Variants in LAPTM4B observed in about 807,000 individuals in gnomAD.
The protein encoded by LAPTM4B is lysosomal-associated transmembrane protein 4B.
LAPTM4B carries 26 observed loss-of-function variants against 28.5 expected under a neutral mutation model. The ratio of observed to expected loss-of-function variants is 0.91; its 90% CI spans 0.67 to 1.27. The LOEUF (loss-of-function observed/expected upper bound fraction) is 1.27. Ranked by LOEUF, LAPTM4B falls within the 50% of genes most tolerant of loss-of-function variation. The pLI is 0.00. For synonymous variants in LAPTM4B, 109 were observed against 106.4 expected (o/e 1.02, Z -0.15); for missense variants, 288 against 285.8 (o/e 1.01, Z -0.06).
At position 97,776,231 on chromosome 8, in the gene LAPTM4B, C is replaced by T. The variant is rs1020164898; in HGVS notation, c.99+123C>T. The T allele has an allele frequency of 1.6e-5, 19 of 1,174,766 alleles. 1 individual carries two copies. In the Admixed American group the frequency reaches 6.0e-4, roughly 37 times the overall value. 72.8% of individuals were successfully genotyped at this position (1,174,766 alleles called of 1,614,324 possible). ...CCGCCTAAAGTTGTATTATTAGAAA[C>T]TTAATTCTCCGGGTGCCGCGTCCGC... On this transcript the variant is annotated intron_variant, in intron 1 of 6. Coordinates refer to ENST00000521545, the MANE Select transcript of LAPTM4B (RefSeq NM_018407.6).
At chr8:97,831,997 G>A (rs1180941900) in intron 6 of LAPTM4B, among the ~76,000 whole-genome samples, 3 of 152,084 alleles carry the variant, frequency 2.0e-5, no homozygotes, top group Admixed American at 1.3e-4. Context: ...GATTGTTGTG[G>A]TATGAGAGCA....
intron 6 of LAPTM4B, among the ~76,000 whole-genome samples, chr8:97,831,288 T>G (rs1420750862): frequency 1.3e-5 from 2 of 152,162 alleles, no homozygotes; most frequent in Non-Finnish European, 2.9e-5. Flanking sequence ...TGCAGTGGCT[T>G]TTTCTGTCCC....
At chr8:97,810,824 C>A (rs1004073576) in intron 2 of LAPTM4B, among the ~76,000 whole-genome samples, 11 of 152,080 alleles carry the variant, frequency 7.2e-5, no homozygotes, top group Non-Finnish European at 1.0e-4. Flanking sequence ...CAAATTTAGC[C>A]TGAAGAAAGA....
At chr8:97,792,121 A>G (rs1816508264) in intron 1 of LAPTM4B, among the ~76,000 whole-genome samples, 1 of 152,222 alleles carries the variant, frequency 6.6e-6, no homozygotes, top group Admixed American at 6.5e-5. Context: ...GTCTATAACC[A>G]AAGAGACCAT....
intron 6 of LAPTM4B, among the ~76,000 whole-genome samples, chr8:97,837,091 G>T (rs1417357629): frequency 6.6e-6 from 1 of 152,022 alleles, no homozygotes. Context: ...CACAAAACAG[G>T]TATTGCCTGA....
chr8:97,775,904 G>A lies in LAPTM4B; in HGVS notation c.-106G>A. On this transcript the variant is annotated 5_prime_UTR_variant, in exon 1 of 7. Transcript: ENST00000521545. ...GGGCGCACGGGCGAGCGGGCCGGGA[G>A]CCGGAGCGGCGGAGGAGCCGGCAGC... 2.1e-6 allele frequency: 3 copies of A among 1,457,836 alleles called. No individual in the cohort carries two copies. The highest frequency in any genetic ancestry group is 1.8e-6 in the Non-Finnish European group (2 of 1,113,490). The allele number at this position is 1,457,836 out of a possible 1,614,324, so 90.3% of individuals were successfully genotyped here.
intron 6 of LAPTM4B, among the ~76,000 whole-genome samples, chr8:97,841,983 T>G (rs1027710041): frequency 6.6e-6 from 1 of 152,186 alleles, no homozygotes; most frequent in African/African-American, 2.4e-5. Flanking sequence ...TACTTTCTCA[T>G]CTGACATCAC....
chr8:97,822,550 T>G (rs535374587), intron 5 of LAPTM4B, among the ~76,000 whole-genome samples: 4 of 150,872 alleles, frequency 2.7e-5, no homozygotes, highest in African/African-American at 7.3e-5. Flanking sequence ...ATTTATTTAT[T>G]TATTTATTTA....
At chr8:97,777,687 T>A (rs537004730) in intron 1 of LAPTM4B, among the ~76,000 whole-genome samples, 9 of 152,344 alleles carry the variant, frequency 5.9e-5, no homozygotes, top group Middle Eastern at 6.8e-3. Context: ...TGAAAGTATT[T>A]CAAACAGATA....
At chr8:97,850,006 G>C (rs12676667) in intron 6 of LAPTM4B, among the ~76,000 whole-genome samples, 90,467 of 151,472 alleles carry the variant, frequency 0.6, 27,862 homozygotes, top group African/African-American at 0.68. Flanking sequence ...CTGGTTCAGC[G>C]GGAAGCCTCT....
intron 1 of LAPTM4B, among the ~76,000 whole-genome samples, chr8:97,782,601 G>A (rs1352091233): frequency 6.6e-6 from 1 of 151,808 alleles, no homozygotes; most frequent in Non-Finnish European, 1.5e-5. Flanking sequence ...ACCATCCCTG[G>A]CTAATTTTTT....
At chr8:97,847,382 G>T (rs1034949201) in intron 6 of LAPTM4B, among the ~76,000 whole-genome samples, 3 of 152,176 alleles carry the variant, frequency 2.0e-5, no homozygotes, top group Non-Finnish European at 4.4e-5. Context: ...GTCAGGAAGT[G>T]ACTTCAGAAA....
At chr8:97,779,079 T>A (rs1409414853) in intron 1 of LAPTM4B, among the ~76,000 whole-genome samples, 1 of 152,088 alleles carries the variant, frequency 6.6e-6, no homozygotes, top group Non-Finnish European at 1.5e-5. Context: ...ATTAGCCAGG[T>A]GTGGTGGCTC....
rs113998172 is a variant in LAPTM4B, at chr8:97,776,072, C to G, written c.63C>G (p.Val21=). The change falls in exon 1 of 7, where the codon GTC becomes GTG. Residue 21 remains valine, a synonymous_variant. Transcript: ENST00000521545. ...YSNSCCLCCH[V]RTGTILLGVW... ...ACAGCTGCTGCTTGTGCTGCCATGTCCGCACCGGCACCATCCTGCTCGGCG... is the reference window on the plus strand; with the variant it reads ...ACAGCTGCTGCTTGTGCTGCCATGTGCGCACCGGCACCATCCTGCTCGGCG... 7,722 of 1,589,420 alleles carry G rather than the reference C, an allele frequency of 4.9e-3. 20 individuals carry two copies. Among genetic ancestry groups the G allele is most frequent in the Non-Finnish European group, 5.9e-3 (6,916 of 1,172,458 alleles).
intron 5 of LAPTM4B, among the ~76,000 whole-genome samples, chr8:97,820,001 G>C (rs1370570762): frequency 1.3e-5 from 2 of 151,990 alleles, no homozygotes; most frequent in Non-Finnish European, 2.9e-5. Context: ...TCCCAAAGCT[G>C]GGATTACAGG....
chr8:97,815,757 G>A (rs1412291021), intron 3 of LAPTM4B, among the ~76,000 whole-genome samples: 2 of 151,986 alleles, frequency 1.3e-5, no homozygotes, highest in East Asian at 1.9e-4. Context: ...TAGTAGAGAC[G>A]TGATTTCACC....
At chr8:97,783,699 G>A (rs1395741908) in intron 1 of LAPTM4B, among the ~76,000 whole-genome samples, 2 of 152,062 alleles carry the variant, frequency 1.3e-5, no homozygotes, top group Non-Finnish European at 2.9e-5. Flanking sequence ...TTCTACCTGT[G>A]GGGTCTCATT....
intron 6 of LAPTM4B, among the ~76,000 whole-genome samples, chr8:97,844,116 AG>A (rs374541639): frequency 5.0e-4 from 73 of 145,336 alleles, no homozygotes; most frequent in Middle Eastern, 3.5e-3. Flanking sequence ...GGATGGGGAG[AG>A]GGGGGTCTCT....
intron 6 of LAPTM4B, among the ~76,000 whole-genome samples, chr8:97,839,381 C>CG (rs1817311636): frequency 6.6e-6 from 1 of 151,910 alleles, no homozygotes; most frequent in Non-Finnish European, 1.5e-5. Context: ...TTAGTAGAGA[C>CG]GGGGTTTCAC....
Sources: allele counts gnomAD v4.1 joint callset (sites outside exome capture counted in the v4.1 genomes callset), GRCh38; gene constraint gnomAD v4.1.1; transcripts MANE v1.5; gene names NCBI Gene and HGNC (gene_info 2026-07-23, HGNC 2026-07-21).